Variants in SHISA6 observed in about 807,000 individuals in gnomAD.
SHISA6 encodes the protein protein shisa-6.
In SHISA6, 22 loss-of-function variants were observed where a neutral mutation model predicts 47.9. The observed-to-expected ratio is 0.46, with a 90% CI of 0.33 to 0.66. The LOEUF (loss-of-function observed/expected upper bound fraction) is 0.66, where lower values mean the gene tolerates loss of function less well. SHISA6 is among the 30% of genes least tolerant of loss of function. The probability of loss-of-function intolerance (pLI) is 0.02; values close to 1 mark genes in which losing one functional copy is unlikely to be tolerated. For synonymous variants in SHISA6, 388 were observed against 337.8 expected, an observed-to-expected ratio of 1.15 and a Z score of -1.63; for missense variants, 680 against 764.6, an observed-to-expected ratio of 0.89 and a Z score of 1.30.
chr17:11,288,936 G>A (rs1909422258), intron 2 of SHISA6: 1 of 152,156 alleles, frequency 6.6e-6, no homozygotes, highest in Admixed American at 6.5e-5. Context: ...ATGGTTCTTT[G>A]TGTGGTTTAT....
At chr17:11,544,937 G>A (rs1323861668) in intron 3 of SHISA6, among the ~76,000 whole-genome samples, 1 of 144,238 alleles carries the variant, frequency 6.9e-6, no homozygotes, top group East Asian at 2.0e-4. Flanking sequence ...CTCCAGCCTG[G>A]GCAACAGAGA....
At chr17:11,474,522 G>T (rs1018684256) in intron 3 of SHISA6, among the ~76,000 whole-genome samples, 1 of 151,750 alleles carries the variant, frequency 6.6e-6, no homozygotes, top group South Asian at 2.1e-4. Context: ...TGTGTGTGTG[G>T]ATTTCCAGTT....
At chr17:11,471,093 C>T (rs1915924742) in intron 3 of SHISA6, among the ~76,000 whole-genome samples, 1 of 151,922 alleles carries the variant, frequency 6.6e-6, no homozygotes, top group Non-Finnish European at 1.5e-5. Context: ...CCTGTTATCC[C>T]AGCTACTCGG....
At chr17:11,278,058 A>AATG (rs1228388246) in intron 2 of SHISA6, among the ~76,000 whole-genome samples, 5 of 152,140 alleles carry the variant, frequency 3.3e-5, no homozygotes, top group Admixed American at 1.3e-4. Flanking sequence ...GGGACTGTGT[A>AATG]ATGCTTCTAC....
intron 3 of SHISA6, among the ~76,000 whole-genome samples, chr17:11,440,707 T>C (rs1915071871): frequency 6.6e-6 from 1 of 151,460 alleles, no homozygotes; most frequent in Non-Finnish European, 1.5e-5. Context: ...AGCTACATAA[T>C]GCATGGAGAC....
At chr17:11,490,987 C>CT (rs147876964) in intron 3 of SHISA6, among the ~76,000 whole-genome samples, 2 of 152,078 alleles carry the variant, frequency 1.3e-5, no homozygotes, top group African/African-American at 4.8e-5. Flanking sequence ...GGGCTCTTGC[C>CT]CAATCTCAGC....
At chr17:11,526,521 C>A (rs1053414211) in intron 3 of SHISA6, among the ~76,000 whole-genome samples, 6 of 152,142 alleles carry the variant, frequency 3.9e-5, no homozygotes, top group Non-Finnish European at 8.8e-5. Context: ...TTTTACCCTG[C>A]ACAGCTTTGT....
In SHISA6 at chr17:11,499,684, T is replaced by TTTCTTTCTTTCTTTC. The variant is rs750993854; in HGVS notation, c.896-52210_896-52209insCTTTCTTTCTTTCTT. Among the ~76,000 whole-genome samples the TTTCTTTCTTTCTTTC allele has an allele frequency of 7.4e-3, 451 of 61,094 alleles. 5 individuals carry two copies. The highest frequency in any genetic ancestry group is 0.026 in the African/African-American group (427 of 16,588). 40.1% of individuals were successfully genotyped at this position (61,094 alleles called of 152,430 possible). ...ATTTGAAATCTATTCTTTTTCTTTC[T>TTTCTTTCTTTCTTTC]TTTTTTTTTTTTTTTTGTTGTTGTT... On this transcript the variant is annotated intron_variant, in intron 3 of 5. Coordinates refer to ENST00000441885, the MANE Select transcript of SHISA6 (RefSeq NM_207386.4).
chr17:11,421,986 G>C (rs1463403785), intron 3 of SHISA6, among the ~76,000 whole-genome samples: 2 of 152,176 alleles, frequency 1.3e-5, no homozygotes, highest in Non-Finnish European at 2.9e-5. Context: ...CCATCTGAGG[G>C]GAGGAGGGGA....
chr17:11,541,444 T>C (rs2071832943), intron 3 of SHISA6, among the ~76,000 whole-genome samples: 1 of 152,220 alleles, frequency 6.6e-6, no homozygotes, highest in Non-Finnish European at 1.5e-5. Context: ...AGCTTATACT[T>C]AGAGCAAGAA....
Position 11,241,382 on chromosome 17 carries a change from T to C in SHISA6, c.-41T>C. 1 of 1,047,102 alleles carries C rather than the reference T, an allele frequency of 9.6e-7. No homozygotes were observed. Among genetic ancestry groups the C allele is most frequent in the Non-Finnish European group, 1.1e-6 (1 of 872,672 alleles). 64.9% of individuals were successfully genotyped at this position (1,047,102 alleles called of 1,614,324 possible). A position where few individuals can be genotyped will look rare whatever the true frequency, so the allele number is the denominator to read the frequency against. ...AGCCCGGCCCGCCGGGGGAGCGGCC[T>C]GCCGCGGAAGCCTCCCCGCGCCCTC... On this transcript the variant is annotated 5_prime_UTR_variant, in exon 1 of 6. Transcript: ENST00000441885. The surrounding 1 kb of genome is among the most constrained non-coding windows in gnomAD (Gnocchi z 5.5).
intron 2 of SHISA6, among the ~76,000 whole-genome samples, chr17:11,287,037 T>G (rs571683102): frequency 5.9e-5 from 9 of 152,330 alleles, no homozygotes; most frequent in African/African-American, 1.9e-4. Flanking sequence ...GTTTTTTACT[T>G]TAACAATTTT....
intron 3 of SHISA6, among the ~76,000 whole-genome samples, chr17:11,466,204 T>C (rs188028623): frequency 4.3e-4 from 65 of 152,220 alleles, no homozygotes; most frequent in Non-Finnish European, 6.0e-4. Context: ...AACAAATCAA[T>C]GCAAATATCC....
intron 3 of SHISA6, among the ~76,000 whole-genome samples, chr17:11,502,224 A>G (rs1483298932): frequency 6.7e-6 from 1 of 149,996 alleles, no homozygotes; most frequent in Non-Finnish European, 1.5e-5. Flanking sequence ...CCTGGCTAAC[A>G]CGGTGAAACC....
Position 11,241,761 on chromosome 17 carries a change from C to T in SHISA6, c.339C>T (p.Ser113=), listed in dbSNP as rs1254030986. Residue 113 remains serine, a synonymous_variant, in exon 1 of 6, where the codon AGC becomes AGT. Coordinates refer to ENST00000441885, the MANE Select transcript of SHISA6 (RefSeq NM_207386.4). This position sits in a 1 kb window ranked among gnomAD's most constrained non-coding sequence, Gnocchi z 5.5. ...QYDKEFECNN[S]ESGYLYCCGT... is the part of the protein sequence containing the mutation. The stretch of plus-strand genomic sequence containing the variant: ...ACAAGGAGTTCGAGTGTAACAACAG[C>T]GAGAGCGGCTACCTGTACTGCTGCG... The T allele has an allele frequency of 5.6e-5, 86 of 1,548,060 alleles. No individual in the cohort carries two copies. Among genetic ancestry groups the T allele is most frequent in the Non-Finnish European group, 7.2e-5 (83 of 1,146,962 alleles).
chr17:11,353,495 A>G (rs1911972347), intron 2 of SHISA6, among the ~76,000 whole-genome samples: 1 of 150,498 alleles, frequency 6.6e-6, no homozygotes, highest in Non-Finnish European at 1.5e-5. Context: ...GTCCTCAACC[A>G]GTGTAACAAT....
chr17:11,496,968 T>C (rs2071414554), intron 3 of SHISA6, among the ~76,000 whole-genome samples: 1 of 152,208 alleles, frequency 6.6e-6, no homozygotes, highest in Admixed American at 6.5e-5. Context: ...TTCCCAAGTT[T>C]TAAAACAATG....
At chr17:11,411,816 G>T (rs890622343) in intron 3 of SHISA6, among the ~76,000 whole-genome samples, 10 of 152,208 alleles carry the variant, frequency 6.6e-5, no homozygotes, top group African/African-American at 2.4e-4. Context: ...CCTTGCAGGT[G>T]ATTAAGATTT....
intron 2 of SHISA6, among the ~76,000 whole-genome samples, chr17:11,322,497 T>C (rs1441419831): frequency 6.6e-6 from 1 of 152,216 alleles, no homozygotes; most frequent in African/African-American, 2.4e-5. Flanking sequence ...TATCTTTGAG[T>C]TGCTATGATT....
Sources: allele counts gnomAD v4.1 joint callset (sites outside exome capture counted in the v4.1 genomes callset), GRCh38; gene constraint gnomAD v4.1.1; non-coding constraint Gnocchi (gnomAD v3.1); transcripts MANE v1.5; gene names NCBI Gene and HGNC (gene_info 2026-07-23, HGNC 2026-07-21).